Variants in PDS5B observed in about 807,000 individuals in gnomAD.
The protein encoded by PDS5B is sister chromatid cohesion protein PDS5 homolog B.
Under a neutral mutation model 184.1 loss-of-function variants are expected in PDS5B, and 51 were observed. The observed-to-expected ratio is 0.28, with a 90% CI of 0.22 to 0.35. PDS5B has a LOEUF of 0.35. Among genes scored for constraint, PDS5B ranks in the 10% least tolerant of loss-of-function variants. PDS5B has a pLI of 1.00. For synonymous variants in PDS5B, 566 were observed against 569.2 expected (o/e 0.99, Z 0.08); for missense variants, 1,180 against 1,723.3 (o/e 0.68, Z 5.58).
At chr13:32,655,368 ATATATATTTTTTTTT>A (rs1950480149) in intron 3 of PDS5B, among the ~76,000 whole-genome samples, 1 of 27,192 alleles carries the variant, frequency 3.7e-5, no homozygotes, top group African/African-American at 1.7e-4. Flanking sequence ...CCATATATAT[ATATATATTTTTTTTT>A]TTTTTTTTTT....
chr13:32,604,762 G>A lies in PDS5B; in HGVS notation c.-20+18169G>A, dbSNP rs202087830. Among the ~76,000 whole-genome samples, 59 of 150,770 alleles carry A rather than the reference G, an allele frequency of 3.9e-4. No individual in the cohort carries two copies. In the East Asian group the frequency reaches 0.01, roughly 27 times the overall value. Reference sequence around the variant, plus strand: ...GCCTCAATTTCAGAGCCTGTTATTGGTCTATTCAGGGATTCAACTTCTTCC... The same window carrying A: ...GCCTCAATTTCAGAGCCTGTTATTGATCTATTCAGGGATTCAACTTCTTCC... On this transcript the variant is annotated intron_variant, in intron 1 of 34. Coordinates refer to ENST00000315596, the MANE Select transcript of PDS5B (RefSeq NM_015032.4).
Position 32,650,158 on chromosome 13 carries a change from C to T in PDS5B, c.108+1278C>T, listed in dbSNP as rs560569005. ...GAGTTATTAATGAGTTTTATAACAG[C>T]ATTTGAGTTGTAGACAGTAGTGAGG... On this transcript the variant is annotated intron_variant, in intron 2 of 34. Transcript: ENST00000315596. The T allele has an allele frequency of 2.0e-5, 3 of 152,142 alleles. No individual in the cohort carries two copies. In the South Asian group the frequency reaches 6.2e-4, roughly 32 times the overall value. The allele number at this position is 152,142 out of a possible 1,614,324, so 9.4% of individuals were successfully genotyped here. A position where few individuals can be genotyped will look rare whatever the true frequency, so the allele number is the denominator to read the frequency against.
chr13:32,667,492 A>T (rs957007730), intron 6 of PDS5B, among the ~76,000 whole-genome samples: 2 of 152,172 alleles, frequency 1.3e-5, no homozygotes, highest in African/African-American at 4.8e-5. Flanking sequence ...GAGTGACTCT[A>T]TCTAATAAGC....
chr13:32,748,162 T>C (rs139018676), intron 24 of PDS5B, among the ~76,000 whole-genome samples: 1 of 152,236 alleles, frequency 6.6e-6, no homozygotes, highest in African/African-American at 2.4e-5. Flanking sequence ...AGCAAAGCTT[T>C]TCTGTAATCT....
intron 1 of PDS5B, among the ~76,000 whole-genome samples, chr13:32,623,707 A>G: frequency 7.0e-6 from 1 of 141,942 alleles, no homozygotes; most frequent in Admixed American, 7.0e-5. Context: ...CTTTGCTTGC[A>G]TTTTTTTTTT....
At chr13:32,722,040 A>G (rs1349898371) in intron 19 of PDS5B, among the ~76,000 whole-genome samples, 15 of 152,224 alleles carry the variant, frequency 9.9e-5, no homozygotes, top group Admixed American at 9.8e-4. Context: ...AGCCGAGATC[A>G]CGCCACTGCA....
At chr13:32,599,102 T>A (rs1212174488) in intron 1 of PDS5B, among the ~76,000 whole-genome samples, 1 of 151,832 alleles carries the variant, frequency 6.6e-6, no homozygotes, top group African/African-American at 2.4e-5. Context: ...TTTAAAGATG[T>A]CATTTTATTC....
At chr13:32,635,205 T>C in intron 1 of PDS5B, among the ~76,000 whole-genome samples, 2 of 54,928 alleles carry the variant, frequency 3.6e-5, no homozygotes, top group Admixed American at 2.4e-4. Context: ...TTTTTTTTTT[T>C]TTTTTTTTTT....
intron 10 of PDS5B, among the ~76,000 whole-genome samples, chr13:32,681,195 G>A (rs1403001179): frequency 3.3e-5 from 5 of 152,068 alleles, no homozygotes; most frequent in African/African-American, 9.7e-5. Flanking sequence ...GAGGGCTTGC[G>A]GTATCTCATT....
chr13:32,638,819 G>T (rs1483690390), intron 1 of PDS5B, among the ~76,000 whole-genome samples: 1 of 152,026 alleles, frequency 6.6e-6, no homozygotes, highest in Non-Finnish European at 1.5e-5. Flanking sequence ...GAAGAGGGAG[G>T]GAAGGAAGGA....
chr13:32,760,909 C>T (rs998099324), intron 30 of PDS5B, among the ~76,000 whole-genome samples, 189 bp downstream of exon 30: 1 of 152,084 alleles, frequency 6.6e-6, no homozygotes, highest in African/African-American at 2.4e-5. Flanking sequence ...GGTGCTCTGT[C>T]TTAGTCTTTC....
intron 6 of PDS5B, among the ~76,000 whole-genome samples, chr13:32,662,395 T>A (rs1244016125): frequency 1.3e-5 from 2 of 152,098 alleles, no homozygotes; most frequent in Non-Finnish European, 2.9e-5. Context: ...GTAAACTGAG[T>A]TTATAAAAAT....
chr13:32,674,950 A>T (rs1395703172), intron 8 of PDS5B, among the ~76,000 whole-genome samples: 8 of 144,748 alleles, frequency 5.5e-5, no homozygotes, highest in Admixed American at 3.5e-4. Flanking sequence ...TCTTATTTTA[A>T]TTTTTTTTTT....
rs929273364 is a variant in PDS5B at position 32,776,095 on chromosome 13, T to C, written c.*1043T>C. The C allele has an allele frequency of 2.0e-5, 3 of 153,776 alleles. No homozygotes were observed. Among genetic ancestry groups the C allele is most frequent in the Non-Finnish European group, 4.4e-5 (3 of 68,860 alleles). The allele number at this position is 153,776 out of a possible 1,614,324, so 9.5% of individuals were successfully genotyped here. Reference sequence around the variant, plus strand: ...GATGCAGTGTGTCTTTATAAAGCTGTTCTTGAAAGCCAAGTGTTTTGTATT... The same window carrying C: ...GATGCAGTGTGTCTTTATAAAGCTGCTCTTGAAAGCCAAGTGTTTTGTATT... On this transcript the variant is annotated 3_prime_UTR_variant, in exon 35 of 35. Transcript: ENST00000315596.
chr13:32,766,952 C>A (rs1388808903), intron 31 of PDS5B, among the ~76,000 whole-genome samples: 3 of 152,030 alleles, frequency 2.0e-5, no homozygotes, highest in African/African-American at 7.2e-5. Context: ...AAATTTAGTT[C>A]TAATTTAACA....
chr13:32,648,873 G>A lies in PDS5B; in HGVS notation c.101G>A (p.Arg34Gln). 2 of 1,338,864 alleles carry A rather than the reference G, an allele frequency of 1.5e-6. No individual in the cohort carries two copies. Among genetic ancestry groups the A allele is most frequent in the Non-Finnish European group, 2.2e-6 (2 of 929,018 alleles). 82.9% of individuals were successfully genotyped at this position (1,338,864 alleles called of 1,614,324 possible). The change falls in exon 2 of 35, where the codon CGA becomes CAA. Residue 34 changes from arginine (R) to glutamine (Q), a missense_variant. Transcript: ENST00000315596. ...DKISKEEMVR[R>Q]LKMVVKTFMD... ...ATATCTAAAGAGGAGATGGTGAGAC[G>A]ATTAAAGGTGAGTAAAATTCTATTC...
chr13:32,738,158 C>T (rs1360563436), intron 21 of PDS5B, among the ~76,000 whole-genome samples: 3 of 152,144 alleles, frequency 2.0e-5, no homozygotes, highest in Admixed American at 1.3e-4. Context: ...TTTACTCTTT[C>T]GGACAGTGCT....
intron 1 of PDS5B, among the ~76,000 whole-genome samples, chr13:32,600,186 G>A (rs1324415): frequency 0.33 from 50,307 of 151,952 alleles, 8,661 homozygotes; most frequent in Non-Finnish European, 0.39. Context: ...GTCTTTGAAT[G>A]TATTCATAAT....
intron 1 of PDS5B, among the ~76,000 whole-genome samples, chr13:32,628,632 A>G (rs574787474): frequency 3.3e-5 from 5 of 151,788 alleles, no homozygotes; most frequent in South Asian, 2.1e-4. Context: ...TTATTGCCCA[A>G]TAGGTACTTT....
Sources: allele counts gnomAD v4.1 joint callset (sites outside exome capture counted in the v4.1 genomes callset), GRCh38; gene constraint gnomAD v4.1.1; transcripts MANE v1.5; gene names NCBI Gene and HGNC (gene_info 2026-07-23, HGNC 2026-07-21).